The following TMEM67 variants were observed in gnomAD, a reference collection of about 807,000 sequenced individuals.
TMEM67 encodes meckelin.
TMEM67 carries 124 observed loss-of-function variants against 136.6 expected under a neutral mutation model. The observed-to-expected ratio is 0.91, with a 90% CI of 0.78 to 1.05. The LOEUF (loss-of-function observed/expected upper bound fraction) is 1.05. Ranked by LOEUF, TMEM67 falls within the 50% of genes least tolerant of loss-of-function variation. The pLI, the probability that TMEM67 is intolerant of heterozygous loss-of-function variation, is 0.00. For missense variants in TMEM67, 1,107 were observed against 1,178.4 expected (o/e 0.94, Z 0.89); for synonymous variants, 364 against 390.5 (o/e 0.93, Z 0.80).
chr8:93,796,219 A>C (rs1004607957), intron 18 of TMEM67, among the ~76,000 whole-genome samples: 1 of 152,206 alleles, frequency 6.6e-6, no homozygotes, highest in African/African-American at 2.4e-5. Flanking sequence ...GGCTTATTTG[A>C]TAAAATGATA....
In TMEM67 at chr8:93,804,790, G is replaced by A. The variant is rs1328212583; in HGVS notation, c.2351G>A (p.Cys784Tyr). 1 of 1,605,900 alleles carries A rather than the reference G, an allele frequency of 6.2e-7. No homozygotes were observed. The highest frequency in any genetic ancestry group is 1.1e-5 in the South Asian group (1 of 90,814). The change falls in exon 23 of 28, where the codon TGT (cysteine) becomes TAT (tyrosine). Residue 784 changes from cysteine to tyrosine, a missense_variant. By Grantham distance (194) the Cys-to-Tyr change is radical. Coordinates refer to ENST00000453321, the MANE Select transcript of TMEM67 (RefSeq NM_153704.6). ...NISVFLLSHK[C>Y]FGYYIHGRSV... The stretch of plus-strand genomic sequence containing the variant: ...TCAGTGTTTCTGTTATCCCACAAAT[G>A]TTTTGGATATTACATTCATGGTAGA...
intron 22 of TMEM67, among the ~76,000 whole-genome samples, chr8:93,804,298 C>CTTTTCTCTTT (rs1815003991): frequency 1.0e-5 from 1 of 99,314 alleles, no homozygotes; most frequent in African/African-American, 3.4e-5. Context: ...CTTTTCTTTT[C>CTTTTCTCTTT]TCTTTTCTTT....
the TMEM67 span, among the ~76,000 whole-genome samples, chr8:93,826,663 G>T: frequency 6.6e-6 from 1 of 152,048 alleles, no homozygotes; most frequent in Admixed American, 6.6e-5. Context: ...TCATTTATAA[G>T]CCCAATGATC....
intron 21 of TMEM67, among the ~76,000 whole-genome samples, chr8:93,801,476 A>G (rs1292780497): frequency 6.7e-6 from 1 of 149,266 alleles, no homozygotes; most frequent in Non-Finnish European, 1.5e-5. Flanking sequence ...ATCTCAGCTC[A>G]CTGTAACCTT....
chr8:93,757,766 A>T (rs1031633757), intron 2 of TMEM67, among the ~76,000 whole-genome samples: 5 of 145,078 alleles, frequency 3.4e-5, no homozygotes, highest in African/African-American at 5.1e-5. Flanking sequence ...TCATAAATGA[A>T]TTTTTTTTTT....
In TMEM67 at chr8:93,763,991, G is replaced by A. The variant is rs376774628; in HGVS notation, c.506+50G>A. The A allele has an allele frequency of 4.9e-5, 57 of 1,162,296 alleles. 1 individual carries two copies. Among genetic ancestry groups the A allele is most frequent in the African/African-American group, 4.6e-4 (30 of 65,468 alleles). 72.0% of individuals were successfully genotyped at this position (1,162,296 alleles called of 1,614,324 possible). A position where few individuals can be genotyped will look rare whatever the true frequency, so the allele number is the denominator to read the frequency against. On this transcript the variant is annotated intron_variant, in intron 4 of 27. Transcript: ENST00000453321. ...TTCATTAATATCATCTTATATTAGT[G>A]TATAATTTGTACTTTTAAGAGTGTT...
chr8:93,816,121 A>C (rs1808896311), intron 27 of TMEM67, among the ~76,000 whole-genome samples: 2 of 152,186 alleles, frequency 1.3e-5, no homozygotes, highest in Non-Finnish European at 2.9e-5. Context: ...TATATTTTAA[A>C]GTGTATTTCT....
chr8:93,784,664 G>A (rs1409218459), intron 11 of TMEM67, among the ~76,000 whole-genome samples: 1 of 152,200 alleles, frequency 6.6e-6, no homozygotes, highest in African/African-American at 2.4e-5. Context: ...GAAGAACACA[G>A]TGGGGAAGGA....
chr8:93,765,661 A>AT lies in TMEM67; in HGVS notation c.651+22dup. The AT allele has an allele frequency of 1.9e-6, 3 of 1,588,842 alleles. No homozygotes were observed. The highest frequency in any genetic ancestry group is 1.7e-4 in the Middle Eastern group (1 of 6,008). ...ATGGAGAAGTTGTGAGTATGTTTCA[A>AT]TTTTTTTGTTCTGTTGTTAAAAAAC... is the stretch of plus-strand genomic sequence containing the variant. On this transcript the variant is annotated intron_variant, in intron 6 of 27. Transcript: ENST00000453321.
rs1266945639 is a variant in TMEM67, at chr8:93,785,335, G to C, written c.1245G>C (p.Val415=). 1 of 1,612,120 alleles carries C rather than the reference G, an allele frequency of 6.2e-7. No individual in the cohort carries two copies. The highest frequency in any genetic ancestry group is 1.7e-5 in the Admixed American group (1 of 59,968). ...NQHQYILAVP[V]LNLNLQHNKI... is the part of the protein sequence containing the mutation. ...ATCAATATATTTTGGCTGTGCCTGT[G>C]TTAAACCTAAATCTTCAACATAATA... Residue 415 remains valine (V), a synonymous_variant, in exon 12 of 28, where the codon GTG becomes GTC. Coordinates refer to ENST00000453321, the MANE Select transcript of TMEM67 (RefSeq NM_153704.6).
chr8:93,801,625 C>T (rs929367108), intron 21 of TMEM67, among the ~76,000 whole-genome samples: 4 of 152,098 alleles, frequency 2.6e-5, no homozygotes, highest in Non-Finnish European at 4.4e-5. Context: ...TGGTCATAAA[C>T]TCCTGAGCTC....
intron 14 of TMEM67, among the ~76,000 whole-genome samples, chr8:93,788,729 A>G (rs1242347632): frequency 6.6e-6 from 1 of 152,250 alleles, no homozygotes; most frequent in East Asian, 1.9e-4. Flanking sequence ...AGTATTGCTA[A>G]CATGAACTAG....
intron 14 of TMEM67, 117 bp from the exon 15 acceptor site, chr8:93,791,146 A>G: frequency 1.5e-6 from 1 of 676,420 alleles, no homozygotes; most frequent in Non-Finnish European, 2.6e-6. Context: ...AGTAATATTG[A>G]TAGTTAAAAA....
At chr8:93,820,593 T>G (rs1231489339), downstream of TMEM67, among the ~76,000 whole-genome samples, 7 of 152,176 alleles carry the variant, frequency 4.6e-5, no homozygotes, top group Admixed American at 2.0e-4. Flanking sequence ...CTGTGCAATT[T>G]GGGCAAGTCA....
chr8:93,781,299 T>C (rs1305265114), intron 9 of TMEM67, among the ~76,000 whole-genome samples: 1 of 152,194 alleles, frequency 6.6e-6, no homozygotes, highest in East Asian at 1.9e-4. Flanking sequence ...AAAGATTGAT[T>C]GGGGCTCTGT....
chr8:93,786,012 T>C (rs1320947270), intron 12 of TMEM67, among the ~76,000 whole-genome samples: 5 of 152,018 alleles, frequency 3.3e-5, no homozygotes, highest in Non-Finnish European at 5.9e-5. Flanking sequence ...TGAGAATGCA[T>C]GCAGTGAGCC....
intron 7 of TMEM67, among the ~76,000 whole-genome samples, chr8:93,775,884 G>A (rs540397360): frequency 4.6e-5 from 7 of 152,176 alleles, no homozygotes; most frequent in Admixed American, 2.0e-4. Flanking sequence ...TTCCAATTCT[G>A]TGAAGAAAGT....
intron 11 of TMEM67, among the ~76,000 whole-genome samples, chr8:93,782,756 G>A (rs1400042404): frequency 6.6e-6 from 1 of 151,360 alleles, no homozygotes; most frequent in Non-Finnish European, 1.5e-5. Context: ...TGTATTTTTA[G>A]TAAAGACAGG....
the TMEM67 span, among the ~76,000 whole-genome samples, chr8:93,829,376 CTCTCTCTG>C: frequency 1.3e-3 from 201 of 150,150 alleles, no homozygotes; most frequent in African/African-American, 4.8e-3. Context: ...CTCTCTCTCT[CTCTCTCTG>C]TGTGTGTGTG....
Sources: gnomAD v4.1 joint callset for allele counts (sites outside exome capture counted in the v4.1 genomes callset) on GRCh38, gnomAD v4.1.1 for gene constraint, MANE v1.5 for transcripts, NCBI Gene and HGNC (gene_info 2026-07-23, HGNC 2026-07-21) for gene names.